Variants in OSMR observed in about 807,000 individuals in gnomAD.
OSMR encodes the protein oncostatin-M-specific receptor subunit beta.
Under a neutral mutation model 99.9 loss-of-function variants are expected in OSMR, and 81 were observed. The ratio of observed to expected loss-of-function variants is 0.81; its 90% CI spans 0.68 to 0.97. The LOEUF is 0.97. Ranked by LOEUF, OSMR falls within the 50% of genes least tolerant of loss-of-function variation. The pLI is 0.00. For missense variants in OSMR, 1,099 were observed against 1,153.4 expected (o/e 0.95, Z 0.68); for synonymous variants, 406 against 410.4 (o/e 0.99, Z 0.13).
chr5:38,847,405 A>G lies in OSMR; in HGVS notation c.-14+1018A>G, dbSNP rs562448676. 2.6e-5 allele frequency among the ~76,000 whole-genome samples: 4 copies of G among 152,218 alleles called. No individual in the cohort carries two copies. The South Asian group carries it at 8.3e-4, about 32-fold the overall frequency. Reference sequence around the variant, plus strand: ...AAACTGAGGCCCAAAGAGGTTTTGTAACTTTTCTAGGGTTACACAGCTAGC... The same window carrying G: ...AAACTGAGGCCCAAAGAGGTTTTGTGACTTTTCTAGGGTTACACAGCTAGC... On this transcript the variant is annotated intron_variant, in intron 1 of 17. Coordinates refer to ENST00000274276, the MANE Select transcript of OSMR (RefSeq NM_003999.3).
chr5:38,871,858 G>A (rs947686260), intron 2 of OSMR, among the ~76,000 whole-genome samples: 2 of 152,106 alleles, frequency 1.3e-5, no homozygotes, highest in Admixed American at 1.3e-4. Context: ...TTTAATTGCT[G>A]CATGATATCC....
chr5:38,902,450 G>A (rs527448718), intron 7 of OSMR, among the ~76,000 whole-genome samples: 3 of 152,300 alleles, frequency 2.0e-5, no homozygotes, highest in Admixed American at 6.5e-5. Context: ...ATGTTTGTCC[G>A]AAAACCTCCC....
chr5:38,853,742 T>C (rs1163677155), intron 1 of OSMR, among the ~76,000 whole-genome samples: 1 of 152,250 alleles, frequency 6.6e-6, no homozygotes, highest in African/African-American at 2.4e-5. Flanking sequence ...AATCTTGAAC[T>C]GAATGTTGCG....
At chr5:38,884,203 C>T in intron 5 of OSMR, 92 bp downstream of exon 5, 1 of 1,048,492 alleles carries the variant, frequency 9.5e-7, no homozygotes, top group Non-Finnish European at 1.5e-6. Flanking sequence ...ACATTTCTAC[C>T]CATGATCTTG....
At chr5:38,883,505 T>A (rs1023084967) in intron 4 of OSMR, among the ~76,000 whole-genome samples, 7 of 152,222 alleles carry the variant, frequency 4.6e-5, no homozygotes, top group African/African-American at 1.7e-4. Flanking sequence ...TAACATGGCC[T>A]TCAGCAGGGC....
At chr5:38,882,144 A>G (rs1743337041) in intron 4 of OSMR, among the ~76,000 whole-genome samples, 4 of 152,196 alleles carry the variant, frequency 2.6e-5, no homozygotes. Flanking sequence ...TTTTCTGTGA[A>G]AGGCCAGATA....
chr5:38,913,448 G>A (rs754025742), intron 9 of OSMR, among the ~76,000 whole-genome samples: 6 of 151,868 alleles, frequency 4.0e-5, no homozygotes, highest in Non-Finnish European at 8.8e-5. Flanking sequence ...TACTCAAGAG[G>A]CTGAGGTGGA....
At chr5:38,850,786 C>T (rs559120487) in intron 1 of OSMR, among the ~76,000 whole-genome samples, 37 of 152,282 alleles carry the variant, frequency 2.4e-4, no homozygotes, top group African/African-American at 7.7e-4. Flanking sequence ...TTTCATACAC[C>T]GTGGTATTTC....
At chr5:38,858,937 C>A (rs936196108) in intron 1 of OSMR, among the ~76,000 whole-genome samples, 1 of 152,088 alleles carries the variant, frequency 6.6e-6, no homozygotes, top group African/African-American at 2.4e-5. Context: ...GAACATATGT[C>A]CACTTTTTAA....
At chr5:38,892,057 A>T (rs1486888886) in intron 7 of OSMR, among the ~76,000 whole-genome samples, 2 of 151,616 alleles carry the variant, frequency 1.3e-5, no homozygotes, top group African/African-American at 2.4e-5. Context: ...CTGGGGAAAA[A>T]CTCCCAGAGG....
Position 38,904,474 on chromosome 5 carries a change from G to C in OSMR, c.1256G>C (p.Ser419Thr). 1.2e-6 allele frequency: 2 copies of C among 1,614,190 alleles called. No homozygotes were observed. Among genetic ancestry groups the C allele is most frequent in the South Asian group, 1.1e-5 (1 of 91,090 alleles). ...CACTTCTGGAAATGGAGTGAATGGA[G>C]TGGTCAGAACTTCACCACACTTGAA... ...ASHFWKWSEW[S>T]GQNFTTLEAA... The change falls in exon 9 of 18, where the codon AGT becomes ACT. Residue 419 changes from serine to threonine, a missense_variant. Coordinates refer to ENST00000274276, the MANE Select transcript of OSMR (RefSeq NM_003999.3).
At position 38,862,523 on chromosome 5, in the gene OSMR, C is replaced by T. The variant is rs191934481; in HGVS notation, c.-13-6509C>T. On this transcript the variant is annotated intron_variant, in intron 1 of 17. Coordinates refer to ENST00000274276, the MANE Select transcript of OSMR (RefSeq NM_003999.3). ...GCGGAGGGGCTCCTCACTTCTCAGA[C>T]GGGGCAGTTGCCGGGCAGAGGGTCT... is the stretch of plus-strand genomic sequence containing the variant. 8.2e-3 allele frequency among the ~76,000 whole-genome samples: 1,183 copies of T among 145,042 alleles called. 114 individuals are homozygous for T. The East Asian group carries it at 0.23, about 28-fold the overall frequency.
intron 15 of OSMR, among the ~76,000 whole-genome samples, chr5:38,929,817 T>C (rs242564): frequency 0.048 from 7,270 of 152,164 alleles, 329 homozygotes; most frequent in African/African-American, 0.11. Context: ...AGGAAAAAAA[T>C]AAGCTGAAAG....
At chr5:38,865,261 G>A (rs1045119570) in intron 1 of OSMR, among the ~76,000 whole-genome samples, 1 of 152,052 alleles carries the variant, frequency 6.6e-6, no homozygotes, top group African/African-American at 2.4e-5. Context: ...ATCTGTTGCT[G>A]GAGAATTATT....
chr5:38,863,620 ATG>A (rs1170675585), intron 1 of OSMR, among the ~76,000 whole-genome samples: 1 of 152,182 alleles, frequency 6.6e-6, no homozygotes, highest in East Asian at 1.9e-4. Context: ...GATGAGAAGA[ATG>A]TATATTTTGC....
At chr5:38,869,996 T>G (rs1742256197) in intron 2 of OSMR, among the ~76,000 whole-genome samples, 1 of 152,172 alleles carries the variant, frequency 6.6e-6, no homozygotes, top group Non-Finnish European at 1.5e-5. Context: ...TGCATAGAAT[T>G]TCTCATCTTT....
intron 9 of OSMR, among the ~76,000 whole-genome samples, chr5:38,908,366 A>G (rs764241723): frequency 4.6e-5 from 7 of 151,738 alleles, no homozygotes; most frequent in Non-Finnish European, 7.4e-5. Flanking sequence ...GCATGCAGGA[A>G]CCCTGCAGCC....
At chr5:38,847,201 T>A (rs1739915362) in intron 1 of OSMR, among the ~76,000 whole-genome samples, 1 of 152,240 alleles carries the variant, frequency 6.6e-6, no homozygotes. Context: ...TTCCCAAGAT[T>A]AAAACTGACT....
chr5:38,900,117 G>A (rs994075180), intron 7 of OSMR, among the ~76,000 whole-genome samples: 1 of 152,126 alleles, frequency 6.6e-6, no homozygotes, highest in Non-Finnish European at 1.5e-5. Flanking sequence ...TTCCTCTCTG[G>A]CTGGGGCTCA....
Sources: gnomAD v4.1 joint callset for allele counts (sites outside exome capture counted in the v4.1 genomes callset) on GRCh38, gnomAD v4.1.1 for gene constraint, MANE v1.5 for transcripts, NCBI Gene and HGNC (gene_info 2026-07-23, HGNC 2026-07-21) for gene names.